IL20RA: variants seen among roughly 807,000 people sequenced by gnomAD.
IL20RA encodes the protein interleukin 20 receptor subunit alpha.
A neutral mutation model predicts 36.5 loss-of-function variants in IL20RA; 29 were observed. That is an observed-to-expected ratio of 0.79 (90% CI 0.59 to 1.08). The LOEUF is 1.08. Ranked by LOEUF, IL20RA falls within the 50% of genes least tolerant of loss-of-function variation. The pLI, the probability that IL20RA is intolerant of heterozygous loss-of-function variation, is 0.00. For synonymous variants in IL20RA, 279 were observed against 267.1 expected, an observed-to-expected ratio of 1.04 and a Z score of -0.43; for missense variants, 652 against 668.4, an observed-to-expected ratio of 0.98 and a Z score of 0.27.
At chr6:137,033,782 G>A (rs1776380671) in intron 1 of IL20RA, among the ~76,000 whole-genome samples, 1 of 152,192 alleles carries the variant, frequency 6.6e-6, no homozygotes, top group Non-Finnish European at 1.5e-5. Flanking sequence ...AGCAAGGCGA[G>A]AATGGACCAA....
chr6:137,036,050 T>A (rs1337212383), intron 1 of IL20RA, among the ~76,000 whole-genome samples: 1 of 152,188 alleles, frequency 6.6e-6, no homozygotes, highest in Non-Finnish European at 1.5e-5. Flanking sequence ...ATGTCTTTAG[T>A]CTTTATTAAG....
At chr6:137,005,407 TA>T (rs1224497637) in intron 5 of IL20RA, among the ~76,000 whole-genome samples, 6 of 152,162 alleles carry the variant, frequency 3.9e-5, no homozygotes, top group Non-Finnish European at 7.4e-5. Flanking sequence ...TCATGATGAG[TA>T]AAAGTCCGCA....
At chr6:137,030,840 A>C (rs73778308) in intron 1 of IL20RA, among the ~76,000 whole-genome samples, 2,271 of 152,288 alleles carry the variant, frequency 0.015, 69 homozygotes, top group African/African-American at 0.052. Context: ...CAGACGTAGT[A>C]ACTTTTCAAT....
chr6:137,014,446 A>G (rs552535536), intron 2 of IL20RA, among the ~76,000 whole-genome samples: 1 of 152,184 alleles, frequency 6.6e-6, no homozygotes. Flanking sequence ...TATACCATAC[A>G]TATGGTTTTA....
chr6:137,024,824 C>T lies in IL20RA; in HGVS notation c.89-7721G>A, dbSNP rs148068602. Among the ~76,000 whole-genome samples, 414 of 152,194 alleles carry T rather than the reference C, an allele frequency of 2.7e-3. 4 individuals carry two copies. The highest frequency in any genetic ancestry group is 9.8e-3 in the African/African-American group (407 of 41,524). ...ATGTGTAGGGTGTGTGTGGTCTCCACTAAAGTGAGCAATCCTGACCACAGA... is the reference window on the plus strand; with the variant it reads ...ATGTGTAGGGTGTGTGTGGTCTCCATTAAAGTGAGCAATCCTGACCACAGA... On this transcript the variant is annotated intron_variant, in intron 1 of 6. Coordinates refer to ENST00000316649, the MANE Select transcript of IL20RA (RefSeq NM_014432.4).
rs1188809232 is a variant in IL20RA at position 137,030,070 on chromosome 6, G to GTTT, written c.89-12970_89-12968dup. Among the ~76,000 whole-genome samples the GTTT allele has an allele frequency of 5.1e-3, 319 of 62,832 alleles. 60 individuals are homozygous for GTTT. Among genetic ancestry groups the GTTT allele is most frequent in the South Asian group, 0.04 (49 of 1,214 alleles). The allele number at this position is 62,832 out of a possible 152,430, so 41.2% of individuals were successfully genotyped here. A position where few individuals can be genotyped will look rare whatever the true frequency, so the allele number is the denominator to read the frequency against. ...GGTGGAAAATGTCAGCGGTTTGCGG[G>GTTT]TTTTTTTTTTTTTTTTTTTTTTTTT... is the stretch of plus-strand genomic sequence containing the variant. On this transcript the variant is annotated intron_variant, in intron 1 of 6. Coordinates refer to ENST00000316649, the MANE Select transcript of IL20RA (RefSeq NM_014432.4).
chr6:137,030,586 T>C (rs1776244450), intron 1 of IL20RA, among the ~76,000 whole-genome samples: 1 of 152,210 alleles, frequency 6.6e-6, no homozygotes, highest in African/African-American at 2.4e-5. Flanking sequence ...TTTATATTTA[T>C]GTATTTAATT....
Position 137,002,357 on chromosome 6 carries a change from T to C in IL20RA, c.865-2A>G. The C allele has an allele frequency of 6.4e-7, 1 of 1,563,552 alleles. No individual in the cohort carries two copies. The highest frequency in any genetic ancestry group is 8.7e-7 in the Non-Finnish European group (1 of 1,150,692). On this transcript the variant is annotated splice_acceptor_variant, in intron 6 of 6. Coordinates refer to ENST00000316649, the MANE Select transcript of IL20RA (RefSeq NM_014432.4). LOFTEE classifies it high-confidence loss of function. Reference sequence around the variant, plus strand: ...AAATTCATTTCCATAAATCAAAATCTATAAAGAGAAAAGAGAATGATTTTC... The same window carrying C: ...AAATTCATTTCCATAAATCAAAATCCATAAAGAGAAAAGAGAATGATTTTC...
chr6:137,016,989 G>GT lies in IL20RA; in HGVS notation c.202dup (p.Thr68AsnfsTer17). On this transcript the variant is annotated frameshift_variant, in exon 2 of 7. Transcript: ENST00000316649. LOFTEE classifies it high-confidence loss of function. ...TTACATGAAATACTGCACAGTGTAA[G>GT]TAACTTTAACTCCTTGAAGACCCTC... The GT allele has an allele frequency of 6.2e-7, 1 of 1,613,790 alleles. No homozygotes were observed. Among genetic ancestry groups the GT allele is most frequent in the Non-Finnish European group, 8.5e-7 (1 of 1,179,720 alleles).
At chr6:137,030,515 C>T (rs1435139078) in intron 1 of IL20RA, among the ~76,000 whole-genome samples, 2 of 152,154 alleles carry the variant, frequency 1.3e-5, no homozygotes, top group African/African-American at 2.4e-5. Flanking sequence ...ATGACACACA[C>T]TTCTGGGTGC....
intron 1 of IL20RA, among the ~76,000 whole-genome samples, chr6:137,039,060 A>C (rs1776585330): frequency 6.6e-6 from 1 of 152,232 alleles, no homozygotes; most frequent in Admixed American, 6.5e-5. Context: ...TGAAATATAT[A>C]TGTCCTACCT....
chr6:137,021,045 CTTT>C (rs59206489), intron 1 of IL20RA, among the ~76,000 whole-genome samples: 6 of 146,646 alleles, frequency 4.1e-5, no homozygotes, highest in Non-Finnish European at 1.5e-5. Context: ...GTTTTGAAAC[CTTT>C]TTTTTTTTTT....
At chr6:137,006,440 G>C (rs76613400) in intron 5 of IL20RA, among the ~76,000 whole-genome samples, 2,641 of 152,304 alleles carry the variant, frequency 0.017, 69 homozygotes, top group African/African-American at 0.06. Flanking sequence ...CCTGGATTGA[G>C]CCTGTCCTAA....
chr6:137,022,624 T>C lies in IL20RA; in HGVS notation c.89-5521A>G, dbSNP rs117727492. Among the ~76,000 whole-genome samples, 957 of 152,242 alleles carry C rather than the reference T, an allele frequency of 6.3e-3. 12 individuals carry two copies. The highest frequency in any genetic ancestry group is 0.051 in the Middle Eastern group (15 of 294). ...TGTGTTCCTCTCTTGCAAAAACAAA[T>C]AAATAAAAATAAAATATATATTAAA... On this transcript the variant is annotated intron_variant, in intron 1 of 6. Coordinates refer to ENST00000316649, the MANE Select transcript of IL20RA (RefSeq NM_014432.4).
rs775111805 is a variant in IL20RA, at chr6:137,011,371, A to G, written c.306T>C (p.Ser102=). Residue 102 remains serine, a synonymous_variant, in exon 3 of 7, where the codon TCT becomes TCC. Coordinates refer to ENST00000316649, the MANE Select transcript of IL20RA (RefSeq NM_014432.4). ...TGGCATAATACTGGTGTTCGTAGTCAGAAGTTTCAGCAGAAAGATCACAGT... is the reference window on the plus strand; with the variant it reads ...TGGCATAATACTGGTGTTCGTAGTCGGAAGTTTCAGCAGAAAGATCACAGT... The part of the protein sequence containing the change: ...RTYCDLSAET[S]DYEHQYYAKV... The G allele has an allele frequency of 7.4e-6, 12 of 1,613,708 alleles. No individual in the cohort carries two copies. Among genetic ancestry groups the G allele is most frequent in the Non-Finnish European group, 9.3e-6 (11 of 1,179,682 alleles).
rs369221795 is a variant in IL20RA at position 137,008,589 on chromosome 6, T to C, written c.724+10A>G. On this transcript the variant is annotated intron_variant, in intron 5 of 6. Transcript: ENST00000316649. Reference sequence around the variant, plus strand: ...CCTTCCTAGACCAGCAAAGATTTTTTAAAGCTTACCTTTCAAAGTCCTGGC... The same window carrying C: ...CCTTCCTAGACCAGCAAAGATTTTTCAAAGCTTACCTTTCAAAGTCCTGGC... 6.5e-5 allele frequency: 103 copies of C among 1,580,804 alleles called. No individual in the cohort carries two copies. The highest frequency in any genetic ancestry group is 8.7e-5 in the Non-Finnish European group (101 of 1,164,728).
rs746086665 is a variant in IL20RA at position 137,001,928 on chromosome 6, A to G, written c.1292T>C (p.Leu431Ser). The change falls in exon 7 of 7, where the codon TTA becomes TCA. Residue 431 changes from leucine (L) to serine (S), a missense_variant. Leu to Ser is a moderately radical substitution (Grantham distance 145). Coordinates refer to ENST00000316649, the MANE Select transcript of IL20RA (RefSeq NM_014432.4). ...TGCCAACGCTGCCTGCGACTCCAAT[A>G]ATGTTCCTTGTGTGGACACCTCCTC... ...LQEEVSTQGT[L>S]LESQAALAVL... 78 of 1,613,936 alleles carry G rather than the reference A, an allele frequency of 4.8e-5. No individual in the cohort carries two copies. The South Asian group carries it at 8.1e-4, about 17-fold the overall frequency.
At chr6:137,012,410 A>G (rs1775531961) in intron 2 of IL20RA, among the ~76,000 whole-genome samples, 1 of 152,216 alleles carries the variant, frequency 6.6e-6, no homozygotes, top group African/African-American at 2.4e-5. Context: ...ATTTACTACG[A>G]AAAAGAGCAC....
intron 1 of IL20RA, among the ~76,000 whole-genome samples, chr6:137,018,842 C>A (rs547629604): frequency 6.6e-6 from 1 of 152,240 alleles, no homozygotes; most frequent in Middle Eastern, 3.4e-3. Context: ...AAGGATCTTT[C>A]CAGAGCTAAA....
Sources: gnomAD v4.1 joint callset for allele counts (sites outside exome capture counted in the v4.1 genomes callset) on GRCh38, gnomAD v4.1.1 for gene constraint, MANE v1.5 for transcripts, NCBI Gene and HGNC (gene_info 2026-07-23, HGNC 2026-07-21) for gene names.